The following SIL1 variants were observed in gnomAD, a reference collection of about 807,000 sequenced individuals.
The protein encoded by SIL1 is nucleotide exchange factor SIL1.
Under a neutral mutation model 49.1 loss-of-function variants are expected in SIL1, and 40 were observed. That is an observed-to-expected ratio of 0.81 (90% CI 0.63 to 1.06). The LOEUF (loss-of-function observed/expected upper bound fraction) is 1.06, where lower values mean the gene tolerates loss of function less well. SIL1 is among the 50% of genes least tolerant of loss of function. The pLI, the probability that SIL1 is intolerant of heterozygous loss-of-function variation, is 0.00. For missense variants in SIL1, 500 were observed against 572.6 expected, an observed-to-expected ratio of 0.87 and a Z score of 1.29; for synonymous variants, 253 against 250.8, an observed-to-expected ratio of 1.01 and a Z score of -0.08.
intron 1 of SIL1, among the ~76,000 whole-genome samples, chr5:139,128,819 AT>A (rs1340821169): frequency 6.6e-6 from 1 of 152,168 alleles, no homozygotes; most frequent in African/African-American, 2.4e-5. Flanking sequence ...CTCATATGAC[AT>A]TTCGGGGGAC....
chr5:139,109,695 TAAAAAAAAAAA>T (rs534819027), intron 3 of SIL1, among the ~76,000 whole-genome samples: 1 of 121,552 alleles, frequency 8.2e-6, no homozygotes, highest in Non-Finnish European at 1.7e-5. Context: ...AAGGGGATGT[TAAAAAAAAAAA>T]AAAAAAAAGC....
chr5:139,087,849 G>A (rs1770256864), intron 3 of SIL1, among the ~76,000 whole-genome samples: 1 of 152,124 alleles, frequency 6.6e-6, no homozygotes, highest in Admixed American at 6.5e-5. Context: ...ATGGGAAGAA[G>A]AAAAAGCCTC....
chr5:139,062,135 C>T (rs1401470766), intron 3 of SIL1, among the ~76,000 whole-genome samples: 1 of 152,174 alleles, frequency 6.6e-6, no homozygotes, highest in African/African-American at 2.4e-5. Flanking sequence ...GTCTCCAGGA[C>T]TTGAACGGAA....
At chr5:139,171,993 G>A (rs1361139555) in intron 1 of SIL1, among the ~76,000 whole-genome samples, 1 of 152,134 alleles carries the variant, frequency 6.6e-6, no homozygotes, top group African/African-American at 2.4e-5. Flanking sequence ...TTCAAAGGCA[G>A]ATTTGAGCAA....
At chr5:139,041,848 T>C (rs1481353418) in intron 5 of SIL1, among the ~76,000 whole-genome samples, 2 of 138,602 alleles carry the variant, frequency 1.4e-5, no homozygotes, top group African/African-American at 2.7e-5. Context: ...AAAAAGCAAA[T>C]GGGGACTGTA....
intron 7 of SIL1, among the ~76,000 whole-genome samples, chr5:138,972,754 C>G (rs1332665920): frequency 6.6e-6 from 1 of 152,236 alleles, no homozygotes; most frequent in African/African-American, 2.4e-5. Context: ...TCCTTCACAA[C>G]TATTAAACTT....
At chr5:139,143,304 TATACAC>T (rs1159058101) in intron 1 of SIL1, among the ~76,000 whole-genome samples, 19 of 73,012 alleles carry the variant, frequency 2.6e-4, no homozygotes, top group East Asian at 1.7e-3. Flanking sequence ...TATATACATA[TATACAC>T]ACACACACAC....
chr5:139,009,864 A>G (rs1451571533), intron 7 of SIL1, among the ~76,000 whole-genome samples: 2 of 143,000 alleles, frequency 1.4e-5, no homozygotes, highest in Non-Finnish European at 3.1e-5. Context: ...CTTTGAGGGT[A>G]ACCCGACCTT....
At chr5:138,949,133 C>T (rs554041844) in intron 9 of SIL1, among the ~76,000 whole-genome samples, 9 of 152,370 alleles carry the variant, frequency 5.9e-5, no homozygotes, top group African/African-American at 1.7e-4. Context: ...GGATTATTTT[C>T]CCAGCACCCG....
intron 1 of SIL1, among the ~76,000 whole-genome samples, chr5:139,169,476 A>ATT (rs70982754): frequency 3.9e-4 from 55 of 139,620 alleles, no homozygotes; most frequent in African/African-American, 1.3e-3. Context: ...ATATAGATAG[A>ATT]TTTTTTTTTT....
At chr5:139,177,729 GACCCA>G (rs1751915083) in intron 1 of SIL1, among the ~76,000 whole-genome samples, 1 of 152,218 alleles carries the variant, frequency 6.6e-6, no homozygotes, top group Non-Finnish European at 1.5e-5. Context: ...ACGTAACTCT[GACCCA>G]GTTTTCTTTA....
intron 3 of SIL1, among the ~76,000 whole-genome samples, chr5:139,055,999 G>A (rs1304899258): frequency 6.6e-6 from 1 of 151,942 alleles, no homozygotes; most frequent in Non-Finnish European, 1.5e-5. Context: ...CTGGAGTGCA[G>A]TGGCGTGATC....
intron 7 of SIL1, among the ~76,000 whole-genome samples, chr5:138,960,190 G>A (rs2150384142): frequency 6.6e-6 from 1 of 152,198 alleles, no homozygotes; most frequent in South Asian, 2.1e-4. Flanking sequence ...TATTCTTTTG[G>A]ATTCTCACTG....
At chr5:138,986,172 G>C (rs1040489844) in intron 7 of SIL1, among the ~76,000 whole-genome samples, 1 of 152,108 alleles carries the variant, frequency 6.6e-6, no homozygotes, top group African/African-American at 2.4e-5. Flanking sequence ...ATCCCTGCTG[G>C]AAAGAAAAAA....
chr5:139,169,320 CG>C (rs950927467), intron 1 of SIL1, among the ~76,000 whole-genome samples: 1 of 152,060 alleles, frequency 6.6e-6, no homozygotes, highest in Non-Finnish European at 1.5e-5. Flanking sequence ...AAAACAAAAA[CG>C]AAAACCACAA....
At chr5:139,120,412 C>T (rs1389649688) in intron 3 of SIL1, among the ~76,000 whole-genome samples, 2 of 152,116 alleles carry the variant, frequency 1.3e-5, no homozygotes, top group African/African-American at 2.4e-5. Flanking sequence ...ATAATAGTTC[C>T]TATTATTGTG....
intron 7 of SIL1, among the ~76,000 whole-genome samples, chr5:138,969,283 C>T (rs553609757): frequency 2.6e-5 from 4 of 152,192 alleles, no homozygotes; most frequent in Non-Finnish European, 5.9e-5. Flanking sequence ...CCAGCCATGG[C>T]AGGACAGTCC....
intron 9 of SIL1, 137 bp downstream of exon 9, chr5:138,951,030 CAACT>C: frequency 1.0e-6 from 1 of 979,244 alleles, no homozygotes; most frequent in Non-Finnish European, 1.6e-6. Flanking sequence ...CAATCTCTTC[CAACT>C]GTCTGTCTGT....
At chr5:139,181,051 GATT>G (rs1343043103) in intron 1 of SIL1, among the ~76,000 whole-genome samples, 3 of 152,128 alleles carry the variant, frequency 2.0e-5, no homozygotes, top group African/African-American at 7.2e-5. Flanking sequence ...TATGCCAGCT[GATT>G]ATTATAATGA....
Sources: allele counts gnomAD v4.1 joint callset (sites outside exome capture counted in the v4.1 genomes callset), GRCh38; gene constraint gnomAD v4.1.1; transcripts MANE v1.5; gene names NCBI Gene and HGNC (gene_info 2026-07-23, HGNC 2026-07-21).